ARHGAP12: variants seen among roughly 807,000 people sequenced by gnomAD.
ARHGAP12 encodes rho GTPase-activating protein 12.
A neutral mutation model predicts 108.6 loss-of-function variants in ARHGAP12; 64 were observed. The ratio of observed to expected loss-of-function variants is 0.59; its 90% CI spans 0.48 to 0.73. The LOEUF (loss-of-function observed/expected upper bound fraction) is 0.73, where lower values mean the gene tolerates loss of function less well. ARHGAP12 is among the 30% of genes least tolerant of loss of function. The pLI, the probability that ARHGAP12 is intolerant of heterozygous loss-of-function variation, is 0.00. For synonymous variants in ARHGAP12, 312 were observed against 337.2 expected, an observed-to-expected ratio of 0.93 and a Z score of 0.82; for missense variants, 940 against 1,005.9, an observed-to-expected ratio of 0.93 and a Z score of 0.89.
intron 9 of ARHGAP12, among the ~76,000 whole-genome samples, chr10:31,836,344 C>T (rs2132218901): frequency 6.6e-6 from 1 of 152,064 alleles, no homozygotes; most frequent in East Asian, 1.9e-4. Flanking sequence ...TAGATCAGCC[C>T]ACAAAAACCT....
chr10:31,812,659 T>C, intron 15 of ARHGAP12, 48 bp downstream of exon 15: 3 of 1,155,930 alleles, frequency 2.6e-6, no homozygotes, highest in Non-Finnish European at 3.7e-6. Context: ...ATTTTATTTA[T>C]GACGTAGGCC....
chr10:31,809,120 A>G lies in ARHGAP12; in HGVS notation c.2137T>C (p.Leu713=), dbSNP rs1834924388. ...LRFAVNHDEK[L]DLNDSKWEDI... ...TCCCATTTACTGTCATTCAAGTCCA[A>G]TTTCTCATCTGAAAAACAGCAGGAA... Residue 713 remains leucine (L), a synonymous_variant, in exon 18 of 20, where the codon TTG becomes CTG. Transcript: ENST00000344936. The G allele has an allele frequency of 6.2e-7, 1 of 1,613,332 alleles. No individual in the cohort carries two copies.
intron 9 of ARHGAP12, among the ~76,000 whole-genome samples, chr10:31,834,650 C>T (rs921379159): frequency 2.0e-5 from 3 of 152,004 alleles, no homozygotes; most frequent in Non-Finnish European, 4.4e-5. Context: ...TCCATTAGGC[C>T]GTAAGTTGGA....
chr10:31,877,580 A>G (rs1837778931), intron 3 of ARHGAP12, among the ~76,000 whole-genome samples: 1 of 152,254 alleles, frequency 6.6e-6, no homozygotes, highest in Non-Finnish European at 1.5e-5. Context: ...AATTACATTA[A>G]CAAAACTGCC....
chr10:31,830,913 G>A (rs1835808679), intron 10 of ARHGAP12, among the ~76,000 whole-genome samples: 1 of 152,222 alleles, frequency 6.6e-6, no homozygotes, highest in Admixed American at 6.5e-5. Flanking sequence ...GGCGAAAGGT[G>A]TGCAGGAATG....
intron 6 of ARHGAP12, among the ~76,000 whole-genome samples, chr10:31,846,129 G>T (rs1301287892): frequency 8.5e-6 from 1 of 117,334 alleles, no homozygotes; most frequent in Non-Finnish European, 2.0e-5. Flanking sequence ...ACTTCAAGTG[G>T]AATAATAGAA....
chr10:31,911,924 A>G (rs796168502), intron 1 of ARHGAP12, among the ~76,000 whole-genome samples: 70 of 152,332 alleles, frequency 4.6e-4, no homozygotes, highest in African/African-American at 1.4e-3. Context: ...CTATTAATAC[A>G]TAATAACCAA....
intron 10 of ARHGAP12, 63 bp downstream of exon 10, chr10:31,831,676 A>G: frequency 3.5e-6 from 4 of 1,137,266 alleles, no homozygotes; most frequent in Non-Finnish European, 2.5e-6. Flanking sequence ...AAATAATTAT[A>G]TTGAGAATTT....
At chr10:31,865,035 A>G (rs1401892741) in intron 3 of ARHGAP12, among the ~76,000 whole-genome samples, 2 of 152,206 alleles carry the variant, frequency 1.3e-5, no homozygotes, top group Non-Finnish European at 2.9e-5. Flanking sequence ...TAGGAAAAAC[A>G]GCATGGTACT....
intron 1 of ARHGAP12, among the ~76,000 whole-genome samples, chr10:31,923,317 G>T (rs1839898843): frequency 6.6e-6 from 1 of 152,154 alleles, no homozygotes; most frequent in Non-Finnish European, 1.5e-5. Context: ...TCATACCAGT[G>T]TTTTTGAGAA....
At chr10:31,908,079 A>T in intron 3 of ARHGAP12, 93 bp downstream of exon 3, 1 of 1,231,858 alleles carries the variant, frequency 8.1e-7, no homozygotes. Context: ...AAAGCAAAAC[A>T]AGTCTTAACT....
At position 31,855,404 on chromosome 10, in the gene ARHGAP12, C is replaced by T. The variant is rs1836851838; in HGVS notation, c.949-1198G>A. Among the ~76,000 whole-genome samples the T allele has an allele frequency of 2.0e-5, 3 of 152,280 alleles. No homozygotes were observed. The South Asian group carries it at 6.2e-4, about 32-fold the overall frequency. On this transcript the variant is annotated intron_variant, in intron 4 of 19. Coordinates refer to ENST00000344936, the MANE Select transcript of ARHGAP12 (RefSeq NM_018287.7). ...GATAAAATAGTTTCGGCAAGTAAAACTTACTCATTCAGACTGTATTTTCTA... is the reference window on the plus strand; with the variant it reads ...GATAAAATAGTTTCGGCAAGTAAAATTTACTCATTCAGACTGTATTTTCTA...
At chr10:31,859,738 A>T (rs1226508972) in intron 4 of ARHGAP12, among the ~76,000 whole-genome samples, 1 of 151,880 alleles carries the variant, frequency 6.6e-6, no homozygotes, top group Non-Finnish European at 1.5e-5. Flanking sequence ...TTACTTTATT[A>T]TTGATACACT....
rs1206343136 is a variant in ARHGAP12 at position 31,878,769 on chromosome 10, CACAAAACCTAAA to C, written c.685-17123_685-17112del. Among the ~76,000 whole-genome samples, 4 of 152,188 alleles carry C rather than the reference CACAAAACCTAAA, an allele frequency of 2.6e-5. No homozygotes were observed. The East Asian group carries it at 7.7e-4, about 29-fold the overall frequency. ...CACTTGCAACAGAGACCACATGGCT[CACAAAACCTAAA>C]ATGTTTGTTACTGGGCTCTTTACAG... On this transcript the variant is annotated intron_variant, in intron 3 of 19. Transcript: ENST00000344936.
chr10:31,820,415 T>C lies in ARHGAP12; in HGVS notation c.1604A>G (p.Asp535Gly), dbSNP rs372003953. 7 of 1,611,970 alleles carry C rather than the reference T, an allele frequency of 4.3e-6. No homozygotes were observed. In the African/African-American group the frequency reaches 9.4e-5, roughly 22 times the overall value. ...AAATACATTCTTTTTGCTGGATTTA[T>C]CCTTTGAAGCCATCTCAATTGTTGC... ...KGATIEMASK[D>G]KSSKKNVFEL... The change falls in exon 12 of 20, where the codon GAT (aspartate) becomes GGT (glycine). Residue 535 changes from aspartate (D) to glycine (G), a missense_variant. Physicochemically the swap from Asp to Gly is moderately conservative, Grantham distance 94. Transcript: ENST00000344936.
At chr10:31,876,852 G>A (rs1432200486) in intron 3 of ARHGAP12, among the ~76,000 whole-genome samples, 1 of 152,142 alleles carries the variant, frequency 6.6e-6, no homozygotes, top group Non-Finnish European at 1.5e-5. Context: ...TATCCTTTAA[G>A]GGCAGTTACA....
At chr10:31,828,881 G>A (rs115844272) in intron 10 of ARHGAP12, among the ~76,000 whole-genome samples, 3,284 of 152,252 alleles carry the variant, frequency 0.022, 131 homozygotes, top group African/African-American at 0.075. Context: ...GCTGGGCATG[G>A]TAGCTCACGC....
rs750524878 is a variant in ARHGAP12 at position 31,852,565 on chromosome 10, T to C, written c.1122A>G (p.Gln374=). Residue 374 remains glutamine (Q), a synonymous_variant, in exon 6 of 20, where the codon CAA becomes CAG. Transcript: ENST00000344936. Reference sequence around the variant, plus strand: ...GAGATCCGTCTGCACTGTAGTAATATTGTCTACCTTGATCATCAACATGCT... The same window carrying C: ...GAGATCCGTCTGCACTGTAGTAATACTGTCTACCTTGATCATCAACATGCT... ...WLKHVDDQGR[Q]YYYSADGSRS... is the part of the protein sequence containing the mutation. 3 of 1,613,438 alleles carry C rather than the reference T, an allele frequency of 1.9e-6. No homozygotes were observed. Among genetic ancestry groups the C allele is most frequent in the Non-Finnish European group, 2.5e-6 (3 of 1,179,500 alleles).
intron 7 of ARHGAP12, among the ~76,000 whole-genome samples, chr10:31,841,542 G>C (rs1235957417): frequency 2.0e-5 from 3 of 152,146 alleles, no homozygotes; most frequent in Non-Finnish European, 4.4e-5. Context: ...CTGATTACCA[G>C]GGTAAACAGA....
Sources: allele counts gnomAD v4.1 joint callset (sites outside exome capture counted in the v4.1 genomes callset), GRCh38; gene constraint gnomAD v4.1.1; transcripts MANE v1.5; gene names NCBI Gene and HGNC (gene_info 2026-07-23, HGNC 2026-07-21).